The following NOC2L variants were observed in gnomAD, a reference collection of about 807,000 sequenced individuals.
NOC2L encodes nucleolar complex protein 2 homolog.
NOC2L carries 101 observed loss-of-function variants against 94.2 expected under a neutral mutation model. That is an observed-to-expected ratio of 1.07 (90% CI 0.91 to 1.26). The LOEUF (loss-of-function observed/expected upper bound fraction) is 1.26, where lower values mean the gene tolerates loss of function less well. NOC2L is among the 50% of genes most tolerant of loss of function. The pLI is 0.00. For missense variants in NOC2L, 1,076 were observed against 980.1 expected (o/e 1.10, Z -1.31); for synonymous variants, 531 against 413.4 (o/e 1.28, Z -3.45).
chr1:952,419 C>T lies in NOC2L; in HGVS notation c.1184G>A (p.Arg395His), dbSNP rs141541533. 1.4e-3 allele frequency: 2,222 copies of T among 1,613,258 alleles called. 4 individuals are homozygous for T. The highest frequency in any genetic ancestry group is 1.7e-3 in the Non-Finnish European group (1,979 of 1,179,760). ...AAGGGCCCCACCACACACCTTCTTG[C>T]GAGTGGTCATGGCGTTGCGCAGGTG... is the stretch of plus-strand genomic sequence containing the variant. ...AIHLRNAMTT[R>H]KKETYQSVYN... Residue 395 changes from arginine to histidine, a missense_variant, in exon 10 of 19, where the codon CGC becomes CAC. Coordinates refer to ENST00000327044, the MANE Select transcript of NOC2L (RefSeq NM_015658.4).
chr1:948,404 G>A (rs1642173305), intron 13 of NOC2L, 86 bp downstream of exon 13: 2 of 1,138,422 alleles, frequency 1.8e-6, no homozygotes, highest in Admixed American at 3.7e-5. Context: ...TGAACTTGGA[G>A]GATGCCAGCC....
intron 8 of NOC2L, 35 bp from the exon 9 acceptor site, chr1:953,323 G>C (rs752172608): frequency 7.7e-7 from 1 of 1,304,880 alleles, no homozygotes; most frequent in South Asian, 1.2e-5. Context: ...TGGCCCCCCA[G>C]CCTCCTCAGC....
chr1:946,058 G>T, intron 16 of NOC2L, 115 bp downstream of exon 16: 2 of 789,628 alleles, frequency 2.5e-6, no homozygotes, highest in Non-Finnish European at 4.1e-6. Flanking sequence ...TCCGGGCACG[G>T]CCCTGGCCGC....
intron 13 of NOC2L, 61 bp from the exon 14 acceptor site, chr1:948,293 C>T: frequency 2.2e-6 from 3 of 1,386,480 alleles, no homozygotes; most frequent in Admixed American, 2.0e-5. Context: ...GCACTCAGGC[C>T]CCTTCCCCTC....
rs140901809 is a variant in NOC2L, at chr1:945,123, G to A, written c.2077C>T (p.Arg693Trp). The A allele has an allele frequency of 1.3e-4, 202 of 1,611,572 alleles. No homozygotes were observed. The African/African-American group carries it at 1.4e-3, about 11-fold the overall frequency. The stretch of plus-strand genomic sequence containing the variant: ...TCTTCATCGTCTTCCACCCCATGCC[G>A]AGTGCTCAGGGGCCTCAGTATCCCT... ...ERGILRPLSTRHGVEDDEEDE... is the reference protein window; with the variant it reads ...ERGILRPLSTWHGVEDDEEDE... The change falls in exon 18 of 19, where the codon CGG becomes TGG. Residue 693 changes from arginine to tryptophan, a missense_variant. Physicochemically the swap from Arg to Trp is moderately radical, Grantham distance 101. Around this residue, in one of 3 missense-constraint regions of NOC2L, gnomAD observed 615 missense variants for 577.4 expected, o/e 1.07. Coordinates refer to ENST00000327044, the MANE Select transcript of NOC2L (RefSeq NM_015658.4).
chr1:950,983 A>G (rs1642245655), intron 12 of NOC2L, 144 bp downstream of exon 12: 4 of 681,926 alleles, frequency 5.9e-6, no homozygotes, highest in Non-Finnish European at 1.1e-5. Flanking sequence ...CACACGGAGG[A>G]GCACTGTCCT....
chr1:957,324 C>A (rs747727015), intron 2 of NOC2L, 51 bp from the exon 3 acceptor site: 2 of 1,571,776 alleles, frequency 1.3e-6, no homozygotes, highest in East Asian at 4.5e-5. Flanking sequence ...GTAGAGGGGG[C>A]GGGGAGTGGC....
In NOC2L at chr1:956,980, C is replaced by T. The variant is rs778032749; in HGVS notation, c.400G>A (p.Asp134Asn). The change falls in exon 4 of 19, where the codon GAC becomes AAC. Residue 134 changes from aspartate (D) to asparagine (N), a missense_variant. Around this residue, in one of 3 missense-constraint regions of NOC2L, gnomAD observed 457 missense variants for 386.0 expected, o/e 1.18. Transcript: ENST00000327044. ...CCCTTCAGCCCTCTGGGGACTCTGT[C>T]CCCATCTTCTCCTTCCTCCGCTCCA... ...EDGAEEGEDG[D>N]RVPRGLKGKK... The T allele has an allele frequency of 8.1e-6, 13 of 1,613,994 alleles. No homozygotes were observed. The highest frequency in any genetic ancestry group is 1.3e-5 in the African/African-American group (1 of 74,950).
chr1:945,472 G>C (rs775750478), intron 17 of NOC2L, 46 bp downstream of exon 17: 7 of 1,607,326 alleles, frequency 4.4e-6, no homozygotes, highest in Non-Finnish European at 5.9e-6. Context: ...GTCCAGCAGA[G>C]CCCTCCAGGC....
At position 956,913 on chromosome 1, in the gene NOC2L, C is replaced by T. The variant is rs748246429; in HGVS notation, c.467G>A (p.Arg156Lys). 18 of 1,613,894 alleles carry T rather than the reference C, an allele frequency of 1.1e-5. No individual in the cohort carries two copies. The highest frequency in any genetic ancestry group is 5.0e-5 in the Admixed American group (3 of 60,014). The change falls in exon 4 of 19, where the codon AGA becomes AAA. Residue 156 changes from arginine (R) to lysine (K), a missense_variant. By Grantham distance (26) the Arg-to-Lys change is conservative. This residue lies in a region of NOC2L where 457 missense variants were observed against 386.0 expected (regional missense o/e 1.18). Transcript: ENST00000327044. The part of the protein sequence containing the change: ...SVPVTVAMVE[R>K]WKQAAKQRLT... Reference sequence around the variant, plus strand: ...GCTCACCTTTGCTGCCTGCTTCCATCTCTCAACCATGGCGACGGTCACAGG... The same window carrying T: ...GCTCACCTTTGCTGCCTGCTTCCATTTCTCAACCATGGCGACGGTCACAGG...
intron 1 of NOC2L, 55 bp downstream of exon 1, chr1:959,160 C>G: frequency 6.2e-7 from 1 of 1,611,934 alleles, no homozygotes; most frequent in South Asian, 1.1e-5. Flanking sequence ...GAAAAGCCCC[C>G]TTGGATACAG....
At chr1:945,267 G>C in intron 17 of NOC2L, 121 bp from the exon 18 acceptor site, 1 of 1,285,774 alleles carries the variant, frequency 7.8e-7, no homozygotes, top group Non-Finnish European at 1.1e-6. Flanking sequence ...CTTCCAGCAG[G>C]TGGAGAGGAG....
chr1:952,499 C>T lies in NOC2L; in HGVS notation c.1104G>A (p.Leu368=). 1 of 1,613,856 alleles carries T rather than the reference C, an allele frequency of 6.2e-7. No individual in the cohort carries two copies. The highest frequency in any genetic ancestry group is 8.5e-7 in the Non-Finnish European group (1 of 1,180,022). Reference sequence around the variant, plus strand: ...CGTGCTGGTAGGCCACACCCGGCTCCAGGGCCAGCAGCTCCGTCAAGGTCC... The same window carrying T: ...CGTGCTGGTAGGCCACACCCGGCTCTAGGGCCAGCAGCTCCGTCAAGGTCC... The part of the protein sequence containing the change: ...MQWTLTELLA[L]EPGVAYQHAF... The change falls in exon 10 of 19, where the codon CTG becomes CTA. Residue 368 remains leucine (L), a synonymous_variant. Transcript: ENST00000327044.
At position 955,979 on chromosome 1, in the gene NOC2L, G is replaced by T; in HGVS notation, c.642C>A (p.Asp214Glu). ...GCAGCTTCTGGAGACAGCCAATGAG[G>T]TCTCTGATGCAGAAGGTAACCAGAG... ...FNALVTFCIR[D>E]LIGCLQKLLF... is the part of the protein sequence containing the mutation. Residue 214 changes from aspartate (D) to glutamate (E), a missense_variant, in exon 6 of 19, where the codon GAC becomes GAA. Physicochemically the swap from Asp to Glu is conservative, Grantham distance 45. This residue lies in a region of NOC2L where 457 missense variants were observed against 386.0 expected (regional missense o/e 1.18). Transcript: ENST00000327044. The T allele has an allele frequency of 1.2e-6, 2 of 1,613,994 alleles. No homozygotes were observed. Among genetic ancestry groups the T allele is most frequent in the Non-Finnish European group, 1.7e-6 (2 of 1,180,016 alleles).
intron 2 of NOC2L, chr1:958,061 C>G (rs1319871356): frequency 1.7e-5 from 2 of 114,906 alleles, no homozygotes; most frequent in Non-Finnish European, 3.6e-5. Context: ...ACCACCTCCG[C>G]TTTTTTTTTT....
Position 944,302 on chromosome 1 carries a change from A to C in NOC2L, c.*392T>G. On this transcript the variant is annotated 3_prime_UTR_variant, in exon 19 of 19. Transcript: ENST00000327044. ...AATGTGACTTCAAAGGAAAGGAACAAATTTTCAAAGACTTGGGGGAGTGAA... is the reference window on the plus strand; with the variant it reads ...AATGTGACTTCAAAGGAAAGGAACACATTTTCAAAGACTTGGGGGAGTGAA... 4 of 1,394,340 alleles carry C rather than the reference A, an allele frequency of 2.9e-6. No individual in the cohort carries two copies. Among genetic ancestry groups the C allele is most frequent in the Non-Finnish European group, 3.7e-6 (4 of 1,079,224 alleles). The allele number at this position is 1,394,340 out of a possible 1,614,324, so 86.4% of individuals were successfully genotyped here.
At chr1:947,352 C>T (rs1642141962) in intron 14 of NOC2L, among the ~76,000 whole-genome samples, 1 of 152,224 alleles carries the variant, frequency 6.6e-6, no homozygotes, top group Non-Finnish European at 1.5e-5. Flanking sequence ...CGGCTCTGTG[C>T]ATGTGACATG....
At chr1:952,359 T>C in intron 10 of NOC2L, 53 bp downstream of exon 10, 1 of 1,594,492 alleles carries the variant, frequency 6.3e-7, no homozygotes, top group Non-Finnish European at 8.6e-7. Context: ...GTCGGGCACC[T>C]GGGCTGCCCC....
At chr1:945,251 C>A in intron 17 of NOC2L, 105 bp from the exon 18 acceptor site, 2 of 1,391,778 alleles carry the variant, frequency 1.4e-6, no homozygotes, top group East Asian at 2.5e-5. Context: ...CCCTTCCCTC[C>A]GCTGACTTCC....
Sources: allele counts gnomAD v4.1 joint callset (sites outside exome capture counted in the v4.1 genomes callset), GRCh38; gene constraint gnomAD v4.1.1; regional missense constraint gnomAD v4.1.1; transcripts MANE v1.5; gene names NCBI Gene and HGNC (gene_info 2026-07-23, HGNC 2026-07-21).